Variants in CIRSR observed in about 807,000 individuals in gnomAD.
The protein encoded by CIRSR is CBF1 (RBPJ) interacting corepressor 1.
At chr2:174,394,361 G>T in the CIRSR span, among the ~76,000 whole-genome samples, 1 of 152,248 alleles carries the variant, frequency 6.6e-6, no homozygotes, top group East Asian at 1.9e-4. Context: ...TGTGTTTGGT[G>T]TCAAAAGTTA....
At chr2:174,371,791 G>A in the CIRSR span, among the ~76,000 whole-genome samples, 2 of 152,146 alleles carry the variant, frequency 1.3e-5, no homozygotes, top group African/African-American at 2.4e-5. Context: ...ACCAGGGGGT[G>A]TGGTTATCAT....
chr2:174,373,486 G>A, the CIRSR span, among the ~76,000 whole-genome samples: 1 of 152,036 alleles, frequency 6.6e-6, no homozygotes, highest in Non-Finnish European at 1.5e-5. Context: ...TGTTTGAAAA[G>A]CCTAAATTTT....
the CIRSR span, chr2:174,348,342 T>C: frequency 2.5e-6 from 3 of 1,201,598 alleles, no homozygotes; most frequent in South Asian, 3.8e-5. Flanking sequence ...TGTACTTGAA[T>C]TGACAGTCTA....
chr2:174,365,573 G>T, the CIRSR span, among the ~76,000 whole-genome samples: 1 of 152,186 alleles, frequency 6.6e-6, no homozygotes, highest in Non-Finnish European at 1.5e-5. Flanking sequence ...GTTCCATGTG[G>T]CTGGGGAAGC....
the CIRSR span, among the ~76,000 whole-genome samples, chr2:174,363,754 G>T: frequency 6.6e-6 from 1 of 152,132 alleles, no homozygotes; most frequent in African/African-American, 2.4e-5. Context: ...AAAACCATCG[G>T]ATCTTGTGAG....
chr2:174,376,825 G>T, the CIRSR span, among the ~76,000 whole-genome samples: 3 of 146,126 alleles, frequency 2.1e-5, no homozygotes, highest in African/African-American at 5.0e-5. Flanking sequence ...AAAAAAGAAA[G>T]AAATGGAGGG....
At chr2:174,357,458 C>A in the CIRSR span, among the ~76,000 whole-genome samples, 2 of 152,158 alleles carry the variant, frequency 1.3e-5, no homozygotes, top group Non-Finnish European at 2.9e-5. Context: ...CTTGTAATCA[C>A]TTTCCCATGT....
At chr2:174,375,236 T>A in the CIRSR span, among the ~76,000 whole-genome samples, 1 of 152,202 alleles carries the variant, frequency 6.6e-6, no homozygotes, top group African/African-American at 2.4e-5. Context: ...GTATGCATGT[T>A]TTTCAGGCTT....
chr2:174,362,652 A>C, the CIRSR span, among the ~76,000 whole-genome samples: 940 of 127,250 alleles, frequency 7.4e-3, 6 homozygotes, highest in Middle Eastern at 0.041. Context: ...ACGCCACTGC[A>C]CTCCAGCCTG....
chr2:174,365,289 C>T, the CIRSR span, among the ~76,000 whole-genome samples: 2,267 of 152,242 alleles, frequency 0.015, 60 homozygotes, highest in African/African-American at 0.051. Context: ...CCTTATTGTT[C>T]ATATTGCTAT....
chr2:174,386,814 A>G, the CIRSR span, among the ~76,000 whole-genome samples: 4 of 152,376 alleles, frequency 2.6e-5, no homozygotes, highest in East Asian at 7.7e-4. Flanking sequence ...TATTTCCTAT[A>G]CTAACATGCT....
chr2:174,387,717 T>C, the CIRSR span: 3 of 1,597,994 alleles, frequency 1.9e-6, no homozygotes, highest in Non-Finnish European at 2.6e-6. Context: ...CTTTAAGATA[T>C]TGCTGCATCA....
At chr2:174,381,965 G>A in the CIRSR span, among the ~76,000 whole-genome samples, 5 of 152,152 alleles carry the variant, frequency 3.3e-5, no homozygotes. Context: ...TGTCTCTTTA[G>A]TAACTAGTTA....
chr2:174,390,713 G>A, the CIRSR span, among the ~76,000 whole-genome samples: 1 of 152,168 alleles, frequency 6.6e-6, no homozygotes, highest in African/African-American at 2.4e-5. Context: ...AACCCGATGG[G>A]AGGTAACTGA....
chr2:174,348,361 A>C, the CIRSR span: 2 of 1,393,036 alleles, frequency 1.4e-6, no homozygotes, highest in Non-Finnish European at 1.9e-6. Context: ...TAGAGATGAA[A>C]AATTAAAATT....
At chr2:174,379,154 G>A in the CIRSR span, 1 of 720,834 alleles carries the variant, frequency 1.4e-6, no homozygotes, top group Admixed American at 2.6e-5. Context: ...AAGATCTCCA[G>A]GGAAAAAGAC....
At chr2:174,367,597 G>C in the CIRSR span, among the ~76,000 whole-genome samples, 1 of 151,468 alleles carries the variant, frequency 6.6e-6, no homozygotes, top group South Asian at 2.1e-4. Flanking sequence ...AAAATATTTG[G>C]TGGGCATGAT....
At chr2:174,368,951 G>C in the CIRSR span, among the ~76,000 whole-genome samples, 2 of 152,146 alleles carry the variant, frequency 1.3e-5, no homozygotes, top group East Asian at 1.9e-4. Flanking sequence ...AGAATTTTCA[G>C]AATGATAAAT....
chr2:174,373,313 AG>A, the CIRSR span, among the ~76,000 whole-genome samples: 3 of 152,362 alleles, frequency 2.0e-5, no homozygotes, highest in East Asian at 5.8e-4. Context: ...ACTGAGACAA[AG>A]AATTAATTCA....
Sources: allele counts gnomAD v4.1 joint callset (sites outside exome capture counted in the v4.1 genomes callset), GRCh38; gene constraint gnomAD v4.1.1; transcripts MANE v1.5; gene names NCBI Gene and HGNC (gene_info 2026-07-23, HGNC 2026-07-21).